Variants in UBE3C observed in about 807,000 individuals in gnomAD.
The protein encoded by UBE3C is ubiquitin-protein ligase E3C.
In UBE3C, 42 loss-of-function variants were observed where a neutral mutation model predicts 129.4. That is an observed-to-expected ratio of 0.32 (90% CI 0.25 to 0.42). The LOEUF (loss-of-function observed/expected upper bound fraction) is 0.42. UBE3C is among the 10% of genes least tolerant of loss of function. The pLI, the probability that UBE3C is intolerant of heterozygous loss-of-function variation, is 1.00. For synonymous variants in UBE3C, 510 were observed against 492.4 expected, an observed-to-expected ratio of 1.04 and a Z score of -0.47; for missense variants, 1,049 against 1,319.1, an observed-to-expected ratio of 0.80 and a Z score of 3.17.
chr7:157,163,663 CAG>C, intron 1 of UBE3C, 145 bp from the exon 2 acceptor site: 1 of 737,216 alleles, frequency 1.4e-6, no homozygotes, highest in Middle Eastern at 3.8e-4. Flanking sequence ...TCTTGTGCCT[CAG>C]ATTCTCTCAT....
intron 10 of UBE3C, among the ~76,000 whole-genome samples, chr7:157,193,692 TTATTAG>T (rs1809037634): frequency 6.6e-6 from 1 of 152,048 alleles, no homozygotes; most frequent in Non-Finnish European, 1.5e-5. Flanking sequence ...AAAACATTCT[TTATTAG>T]TAAGCAGACA....
intron 13 of UBE3C, among the ~76,000 whole-genome samples, chr7:157,211,661 TA>T (rs1178215179): frequency 6.6e-6 from 1 of 152,092 alleles, no homozygotes; most frequent in East Asian, 1.9e-4. Context: ...AAGGGCTATA[TA>T]AAATTTGGTT....
chr7:157,200,240 G>GT (rs1454784479), intron 10 of UBE3C, among the ~76,000 whole-genome samples: 1 of 152,096 alleles, frequency 6.6e-6, no homozygotes, highest in Non-Finnish European at 1.5e-5. Flanking sequence ...TGCTTTTACT[G>GT]TTTTTTCAGT....
chr7:157,150,265 G>C (rs1355790834), intron 1 of UBE3C, among the ~76,000 whole-genome samples: 1 of 152,076 alleles, frequency 6.6e-6, no homozygotes, highest in Non-Finnish European at 1.5e-5. Flanking sequence ...TGTAATCCCA[G>C]CTACTTGGGA....
intron 1 of UBE3C, among the ~76,000 whole-genome samples, chr7:157,142,887 C>T (rs1807494327): frequency 6.7e-6 from 1 of 149,404 alleles, no homozygotes; most frequent in Non-Finnish European, 1.5e-5. Context: ...GAGTTTCGCT[C>T]ACGCTGGAGC....
At chr7:157,151,966 A>G (rs146288930) in intron 1 of UBE3C, among the ~76,000 whole-genome samples, 3 of 152,298 alleles carry the variant, frequency 2.0e-5, no homozygotes, top group Non-Finnish European at 4.4e-5. Context: ...TTCTAGTACC[A>G]TGTGTGTATC....
intron 17 of UBE3C, among the ~76,000 whole-genome samples, chr7:157,227,657 A>C (rs568266025): frequency 3.9e-5 from 6 of 152,030 alleles, no homozygotes; most frequent in Non-Finnish European, 7.4e-5. Context: ...CCGAGATCGC[A>C]CCACTGCACT....
intron 2 of UBE3C, among the ~76,000 whole-genome samples, chr7:157,166,598 G>C (rs1378531920): frequency 1.3e-5 from 2 of 151,890 alleles, no homozygotes; most frequent in Admixed American, 1.3e-4. Flanking sequence ...AAATTACCCA[G>C]GCATGCTGGC....
chr7:157,230,902 G>C (rs1379427548), intron 17 of UBE3C, among the ~76,000 whole-genome samples, 178 bp from the exon 18 acceptor site: 1 of 152,072 alleles, frequency 6.6e-6, no homozygotes, highest in African/African-American at 2.4e-5. Context: ...TCCAGCCTGG[G>C]TGACGGAGCA....
In UBE3C at chr7:157,216,896, G is replaced by A. The variant is rs1795594068; in HGVS notation, c.1839G>A (p.Lys613=). The A allele has an allele frequency of 6.2e-7, 1 of 1,613,864 alleles. No individual in the cohort carries two copies. The highest frequency in any genetic ancestry group is 1.1e-5 in the South Asian group (1 of 91,052). ...TCACCAATCTAGTGAAAATGTTGAA[G>A]TCCAGAGACACGAGGAGAAATTTTT... ...KVITNLVKML[K]SRDTRRNFCP... is the part of the protein sequence containing the mutation. Residue 613 remains lysine, a synonymous_variant, in exon 14 of 23, where the codon AAG becomes AAA. Transcript: ENST00000348165.
At chr7:157,226,841 A>G (rs1182362) in intron 17 of UBE3C, among the ~76,000 whole-genome samples, 80,038 of 151,674 alleles carry the variant, frequency 0.53, 23,615 homozygotes, top group Non-Finnish European at 0.66. Context: ...TGGCCTCTCC[A>G]CAGGGCCAGG....
At chr7:157,214,610 A>G (rs943821115) in intron 13 of UBE3C, among the ~76,000 whole-genome samples, 8 of 152,232 alleles carry the variant, frequency 5.3e-5, no homozygotes, top group African/African-American at 9.6e-5. Flanking sequence ...TAAAGTATCA[A>G]TTTAATTGGT....
At chr7:157,195,505 G>C (rs1186233407) in intron 10 of UBE3C, among the ~76,000 whole-genome samples, 1 of 152,176 alleles carries the variant, frequency 6.6e-6, no homozygotes, top group Admixed American at 6.5e-5. Flanking sequence ...TGCCTGGCTG[G>C]TTTTGTAAAT....
chr7:157,161,564 G>C (rs1808071691), intron 1 of UBE3C, among the ~76,000 whole-genome samples: 1 of 151,304 alleles, frequency 6.6e-6, no homozygotes, highest in African/African-American at 2.4e-5. Context: ...TGATCTTTCT[G>C]CCTCAACCCC....
At chr7:157,252,444 T>G (rs1346041981) in intron 19 of UBE3C, among the ~76,000 whole-genome samples, 1 of 152,280 alleles carries the variant, frequency 6.6e-6, no homozygotes, top group Non-Finnish European at 1.5e-5. Context: ...AAGCCCATTC[T>G]TAGGCTTGAT....
At chr7:157,197,508 T>TG in intron 10 of UBE3C, 2 of 823,062 alleles carry the variant, frequency 2.4e-6, no homozygotes, top group Admixed American at 3.5e-5. Context: ...AAAAATAATT[T>TG]GTTTTTTTTT....
At chr7:157,239,538 G>A (rs866409346) in intron 18 of UBE3C, among the ~76,000 whole-genome samples, 4 of 152,252 alleles carry the variant, frequency 2.6e-5, no homozygotes, top group South Asian at 2.1e-4. Flanking sequence ...GGTAAAAATG[G>A]ATGGAACCAC....
Position 157,139,167 on chromosome 7 carries a change from CCCGGG to C in UBE3C, c.-99_-95del. The C allele has an allele frequency of 1.2e-6, 1 of 811,758 alleles. No homozygotes were observed. Among genetic ancestry groups the C allele is most frequent in the Non-Finnish European group, 1.5e-6 (1 of 660,064 alleles). 50.3% of individuals were successfully genotyped at this position (811,758 alleles called of 1,614,324 possible). On this transcript the variant is annotated 5_prime_UTR_variant, in exon 1 of 23. The change abolishes the stop of an existing upstream ORF in the 5' untranslated region. Transcript: ENST00000348165. ...CTCCCGGCCGCCGCGTCCTCGCTGC[CCCGGG>C]CCGGGCGGGCGGGCGCCGAGAGCCT... is the stretch of plus-strand genomic sequence containing the variant.
At chr7:157,215,409 AATTG>A (rs1259624491) in intron 13 of UBE3C, among the ~76,000 whole-genome samples, 3 of 151,024 alleles carry the variant, frequency 2.0e-5, no homozygotes, top group African/African-American at 4.8e-5. Flanking sequence ...AAATCTCAAC[AATTG>A]ATTGTGTGAT....
Sources: gnomAD v4.1 joint callset for allele counts (sites outside exome capture counted in the v4.1 genomes callset) on GRCh38, gnomAD v4.1.1 for gene constraint, MANE v1.5 for transcripts, NCBI Gene and HGNC (gene_info 2026-07-23, HGNC 2026-07-21) for gene names.